Variants in GPC5 observed in about 807,000 individuals in gnomAD.
GPC5 encodes glypican-5.
A neutral mutation model predicts 53.9 loss-of-function variants in GPC5; 47 were observed. The ratio of observed to expected loss-of-function variants is 0.87; its 90% CI spans 0.69 to 1.11. The LOEUF is 1.11. GPC5 is among the 50% of genes most tolerant of loss of function. The pLI, the probability that GPC5 is intolerant of heterozygous loss-of-function variation, is 0.00. For synonymous variants in GPC5, 286 were observed against 263.3 expected, an observed-to-expected ratio of 1.09 and a Z score of -0.84; for missense variants, 748 against 713.1, an observed-to-expected ratio of 1.05 and a Z score of -0.56.
chr13:91,885,342 T>A (rs972882931), intron 5 of GPC5, among the ~76,000 whole-genome samples: 1 of 152,190 alleles, frequency 6.6e-6, no homozygotes, highest in African/African-American at 2.4e-5. Context: ...AAGCCTAACA[T>A]TTTAGTTTTA....
intron 7 of GPC5, among the ~76,000 whole-genome samples, chr13:92,530,395 G>A (rs993019784): frequency 6.6e-6 from 1 of 151,272 alleles, no homozygotes; most frequent in African/African-American, 2.4e-5. Flanking sequence ...AAGCCTCAGA[G>A]TTCCCCACTG....
intron 5 of GPC5, among the ~76,000 whole-genome samples, chr13:91,847,145 G>T (rs1453199629): frequency 6.6e-6 from 1 of 151,358 alleles, no homozygotes; most frequent in Admixed American, 6.6e-5. Flanking sequence ...TGTGAACCCA[G>T]GCGGCGGAGC....
At chr13:92,737,193 T>G (rs1263770839) in intron 7 of GPC5, among the ~76,000 whole-genome samples, 2 of 152,074 alleles carry the variant, frequency 1.3e-5, no homozygotes, top group Non-Finnish European at 1.5e-5. Flanking sequence ...CATCTCTTTA[T>G]GTCTATCACC....
intron 7 of GPC5, among the ~76,000 whole-genome samples, chr13:92,229,392 A>G (rs2042513392): frequency 6.6e-6 from 1 of 152,120 alleles, no homozygotes; most frequent in Admixed American, 6.5e-5. Context: ...TAATTGAGAG[A>G]TGGAACAAAA....
At chr13:92,698,134 C>A (rs1033234984) in intron 7 of GPC5, among the ~76,000 whole-genome samples, 4 of 152,044 alleles carry the variant, frequency 2.6e-5, no homozygotes, top group African/African-American at 7.2e-5. Flanking sequence ...CATCGATGTT[C>A]ATCAGGGATA....
In GPC5 at chr13:92,762,955, CT is replaced by C. The variant is rs201492711; in HGVS notation, c.1562-103318del. On this transcript the variant is annotated intron_variant, in intron 7 of 7. Transcript: ENST00000377067. ...TCTTTAGCCCCAAGATTTCTGTTTCCTTTTTTTTTATGATATCCATCTCTTT... is the reference window on the plus strand; with the variant it reads ...TCTTTAGCCCCAAGATTTCTGTTTCCTTTTTTTTATGATATCCATCTCTTT... 5.2e-4 allele frequency among the ~76,000 whole-genome samples: 78 copies of C among 149,886 alleles called. No homozygotes were observed. The East Asian group carries it at 5.5e-3, about 11-fold the overall frequency.
chr13:91,719,377 A>G (rs1180951395), intron 3 of GPC5, among the ~76,000 whole-genome samples: 1 of 152,208 alleles, frequency 6.6e-6, no homozygotes, highest in Non-Finnish European at 1.5e-5. Flanking sequence ...TTTCCTGTTT[A>G]TACCAGTGAC....
chr13:91,583,585 C>T (rs570586479), intron 2 of GPC5, among the ~76,000 whole-genome samples: 1 of 124,406 alleles, frequency 8.0e-6, no homozygotes, highest in East Asian at 2.4e-4. Flanking sequence ...TCAGAATAAT[C>T]GCAATCAAAA....
At chr13:91,856,177 A>G (rs1179050527) in intron 5 of GPC5, among the ~76,000 whole-genome samples, 2 of 151,578 alleles carry the variant, frequency 1.3e-5, no homozygotes, top group African/African-American at 4.8e-5. Flanking sequence ...TTCATTGCTA[A>G]GTAGTATTCC....
intron 7 of GPC5, among the ~76,000 whole-genome samples, chr13:92,629,088 G>A (rs1322716996): frequency 1.3e-5 from 2 of 152,148 alleles, no homozygotes; most frequent in East Asian, 3.9e-4. Context: ...CCTAGAATAA[G>A]TCTATTGGAA....
chr13:91,522,223 C>T (rs1255250588), intron 2 of GPC5, among the ~76,000 whole-genome samples: 1 of 152,206 alleles, frequency 6.6e-6, no homozygotes, highest in African/African-American at 2.4e-5. Context: ...CCCCTCTCCA[C>T]AGGTTGCGGG....
At chr13:92,507,141 C>A (rs969799979) in intron 7 of GPC5, among the ~76,000 whole-genome samples, 4 of 152,136 alleles carry the variant, frequency 2.6e-5, no homozygotes, top group Non-Finnish European at 5.9e-5. Context: ...GGAATTACTT[C>A]CATTGGTAAA....
chr13:92,046,281 A>G (rs1490940698), intron 6 of GPC5, among the ~76,000 whole-genome samples: 1 of 152,186 alleles, frequency 6.6e-6, no homozygotes, highest in Non-Finnish European at 1.5e-5. Flanking sequence ...TTCTAAAAAT[A>G]TTTCATCAAT....
intron 2 of GPC5, among the ~76,000 whole-genome samples, chr13:91,529,797 G>A (rs1348912272): frequency 6.6e-6 from 1 of 152,082 alleles, no homozygotes; most frequent in Admixed American, 6.5e-5. Flanking sequence ...GGAGCATTAG[G>A]CTGTGGAACA....
chr13:91,929,813 T>TC (rs1555297648), intron 6 of GPC5, among the ~76,000 whole-genome samples: 42 of 134,706 alleles, frequency 3.1e-4, no homozygotes, highest in Non-Finnish European at 5.6e-4. Context: ...AGATTTTCTA[T>TC]TTTTTTTTTA....
intron 5 of GPC5, among the ~76,000 whole-genome samples, chr13:91,841,726 TAAG>T (rs1235446021): frequency 6.6e-6 from 1 of 151,594 alleles, no homozygotes; most frequent in Admixed American, 6.6e-5. Context: ...ATGAGGGAAA[TAAG>T]AACAGAAGAA....
At chr13:92,210,784 C>T (rs1025368915) in intron 7 of GPC5, among the ~76,000 whole-genome samples, 1 of 152,114 alleles carries the variant, frequency 6.6e-6, no homozygotes, top group Non-Finnish European at 1.5e-5. Context: ...TATTATTCCT[C>T]TTGACTATAG....
chr13:91,621,759 CATTATATATATATATATAT>C (rs66544681), intron 2 of GPC5, among the ~76,000 whole-genome samples: 78,568 of 107,396 alleles, frequency 0.73, 28,444 homozygotes, highest in Non-Finnish European at 0.79. Flanking sequence ...AGGGACAGAA[CATTATATATATATATATAT>C]ATATATATAT....
At chr13:92,276,391 A>G (rs1307283390) in intron 7 of GPC5, among the ~76,000 whole-genome samples, 1 of 152,100 alleles carries the variant, frequency 6.6e-6, no homozygotes. Flanking sequence ...AATTCTTCAT[A>G]GACTATCTCA....
Sources: allele counts gnomAD v4.1 joint callset (sites outside exome capture counted in the v4.1 genomes callset), GRCh38; gene constraint gnomAD v4.1.1; transcripts MANE v1.5; gene names NCBI Gene and HGNC (gene_info 2026-07-23, HGNC 2026-07-21).